RIT2: variants seen among roughly 807,000 people sequenced by gnomAD.
RIT2 encodes the protein Ras like without CAAX 2.
A neutral mutation model predicts 23.7 loss-of-function variants in RIT2; 24 were observed. The observed-to-expected ratio is 1.01, with a 90% CI of 0.73 to 1.43. The LOEUF (loss-of-function observed/expected upper bound fraction) is 1.43. Among genes scored for constraint, RIT2 ranks in the 40% most tolerant of loss-of-function variants. RIT2 has a pLI of 0.00. For missense variants in RIT2, 236 were observed against 266.9 expected (o/e 0.88, Z 0.81); for synonymous variants, 107 against 91.1 (o/e 1.17, Z -0.99).
At chr18:43,079,899 A>G (rs1913114314) in intron 1 of RIT2, among the ~76,000 whole-genome samples, 2 of 152,192 alleles carry the variant, frequency 1.3e-5, no homozygotes, top group Admixed American at 6.5e-5. Context: ...GTCAGTCAGT[A>G]AAAGTGTCTC....
intron 2 of RIT2, among the ~76,000 whole-genome samples, chr18:42,998,331 A>T (rs758835328): frequency 2.0e-5 from 3 of 152,168 alleles, no homozygotes; most frequent in East Asian, 1.9e-4. Flanking sequence ...ACATCTCTAT[A>T]GGAACACTTT....
At chr18:42,769,407 T>C (rs745703172) in intron 4 of RIT2, among the ~76,000 whole-genome samples, 2 of 152,130 alleles carry the variant, frequency 1.3e-5, no homozygotes, top group East Asian at 1.9e-4. Context: ...TTTCTAGTCA[T>C]CTGGAGTTGC....
chr18:42,804,388 T>A (rs1905620063), intron 4 of RIT2, among the ~76,000 whole-genome samples: 1 of 151,732 alleles, frequency 6.6e-6, no homozygotes, highest in East Asian at 2.0e-4. Context: ...ACCCCGTCTC[T>A]ACTAAAAATA....
chr18:43,078,749 G>A (rs1444771005), intron 1 of RIT2, among the ~76,000 whole-genome samples: 2 of 152,208 alleles, frequency 1.3e-5, no homozygotes, highest in East Asian at 1.9e-4. Flanking sequence ...TTGGACCCAG[G>A]AGAGTTAAAG....
At chr18:42,967,365 T>C (rs990798421) in intron 3 of RIT2, among the ~76,000 whole-genome samples, 1 of 151,746 alleles carries the variant, frequency 6.6e-6, no homozygotes, top group African/African-American at 2.4e-5. Flanking sequence ...GGTCATCTTG[T>C]AAAAGGTGGT....
chr18:42,971,411 T>C (rs1175379938), intron 3 of RIT2, among the ~76,000 whole-genome samples: 1 of 152,066 alleles, frequency 6.6e-6, no homozygotes, highest in East Asian at 1.9e-4. Context: ...ATCTTTTTAA[T>C]TGTATGTTTG....
chr18:42,975,538 A>C (rs1226401685), intron 2 of RIT2, among the ~76,000 whole-genome samples: 1 of 152,064 alleles, frequency 6.6e-6, no homozygotes, highest in Non-Finnish European at 1.5e-5. Flanking sequence ...TGAGCCTGTT[A>C]CTCAAGACAG....
intron 4 of RIT2, among the ~76,000 whole-genome samples, chr18:42,883,187 A>T (rs1325062773): frequency 2.6e-5 from 4 of 152,036 alleles, no homozygotes. Flanking sequence ...AACCCCAGGC[A>T]GACCTGGTGT....
At chr18:42,760,722 G>T (rs184859552) in intron 4 of RIT2, among the ~76,000 whole-genome samples, 1 of 152,290 alleles carries the variant, frequency 6.6e-6, no homozygotes. Context: ...GTTAAAAAGA[G>T]ACATGATTGA....
intron 4 of RIT2, among the ~76,000 whole-genome samples, chr18:42,807,427 G>A (rs948722807): frequency 2.0e-5 from 3 of 152,086 alleles, no homozygotes; most frequent in African/African-American, 7.2e-5. Context: ...GACCAGCCTG[G>A]CTAATGTGGT....
At chr18:42,850,443 A>G (rs1568012313) in intron 4 of RIT2, among the ~76,000 whole-genome samples, 1 of 152,166 alleles carries the variant, frequency 6.6e-6, no homozygotes, top group Non-Finnish European at 1.5e-5. Flanking sequence ...GTGGCAGACC[A>G]CATTTGATGA....
intron 3 of RIT2, among the ~76,000 whole-genome samples, chr18:42,945,400 G>GTT (rs1909704816): frequency 6.6e-6 from 1 of 151,470 alleles, no homozygotes; most frequent in African/African-American, 2.4e-5. Flanking sequence ...TGGGTTATCA[G>GTT]TTTAATATTC....
chr18:43,068,759 C>T (rs73951802), intron 1 of RIT2, among the ~76,000 whole-genome samples: 37,985 of 147,946 alleles, frequency 0.26, 4,843 homozygotes, highest in South Asian at 0.33. Flanking sequence ...GTGACTATAG[C>T]TACTTTTCTG....
At chr18:42,891,166 C>T (rs1361941830) in intron 4 of RIT2, among the ~76,000 whole-genome samples, 2 of 152,020 alleles carry the variant, frequency 1.3e-5, no homozygotes, top group East Asian at 3.9e-4. Flanking sequence ...GAGATGCAAC[C>T]CTGGCCCCAG....
At chr18:43,062,063 G>C (rs1434013899) in intron 1 of RIT2, among the ~76,000 whole-genome samples, 1 of 152,018 alleles carries the variant, frequency 6.6e-6, no homozygotes, top group Non-Finnish European at 1.5e-5. Context: ...CCTCCCACTT[G>C]CTGAGCTACG....
chr18:42,919,229 G>A (rs1908992403), intron 4 of RIT2, among the ~76,000 whole-genome samples: 1 of 151,968 alleles, frequency 6.6e-6, no homozygotes, highest in Non-Finnish European at 1.5e-5. Flanking sequence ...ACCCCTCTAA[G>A]TAAAGAAATG....
intron 4 of RIT2, among the ~76,000 whole-genome samples, chr18:42,904,063 A>G (rs1568026272): frequency 6.6e-6 from 1 of 152,146 alleles, no homozygotes; most frequent in Non-Finnish European, 1.5e-5. Context: ...AGGAAGATAA[A>G]TAAAATGTAT....
chr18:43,042,426 T>C (rs1479440801), intron 1 of RIT2, among the ~76,000 whole-genome samples: 1 of 152,212 alleles, frequency 6.6e-6, no homozygotes, highest in Non-Finnish European at 1.5e-5. Context: ...CTTCAGAGTT[T>C]GTCATACCTT....
chr18:43,048,894 T>C (rs72910634), intron 1 of RIT2, among the ~76,000 whole-genome samples: 6,603 of 152,270 alleles, frequency 0.043, 171 homozygotes, highest in South Asian at 0.12. Flanking sequence ...TGTTCATTTT[T>C]CTGTTGTTTA....
Sources: allele counts gnomAD v4.1 joint callset (sites outside exome capture counted in the v4.1 genomes callset), GRCh38; gene constraint gnomAD v4.1.1; transcripts MANE v1.5; gene names NCBI Gene and HGNC (gene_info 2026-07-23, HGNC 2026-07-21).